Variants in IL16 observed in about 807,000 individuals in gnomAD.
IL16 encodes interleukin 16.
A neutral mutation model predicts 110.1 loss-of-function variants in IL16; 67 were observed. That is an observed-to-expected ratio of 0.61 (90% CI 0.50 to 0.75). The LOEUF (loss-of-function observed/expected upper bound fraction) is 0.75. IL16 is among the 30% of genes least tolerant of loss of function. IL16 has a pLI of 0.00. For missense variants in IL16, 1,545 were observed against 1,655.0 expected, an observed-to-expected ratio of 0.93 and a Z score of 1.15; for synonymous variants, 689 against 662.9, an observed-to-expected ratio of 1.04 and a Z score of -0.61.
At chr15:81,307,707 G>A (rs1488996451) in intron 18 of IL16, among the ~76,000 whole-genome samples, 2 of 152,208 alleles carry the variant, frequency 1.3e-5, no homozygotes, top group African/African-American at 4.8e-5. Flanking sequence ...GGATGAGACT[G>A]CCAGCTGCAG....
intron 2 of IL16, among the ~76,000 whole-genome samples, chr15:81,231,904 A>G (rs969868143): frequency 9.2e-5 from 14 of 152,122 alleles, no homozygotes; most frequent in African/African-American, 3.1e-4. Context: ...AGGATCACAT[A>G]TGTATAGGTC....
intron 2 of IL16, among the ~76,000 whole-genome samples, chr15:81,233,765 G>A (rs1897093079): frequency 6.6e-6 from 1 of 151,960 alleles, no homozygotes. Flanking sequence ...TAGTCAAATA[G>A]AGAAGATATT....
intron 1 of IL16, among the ~76,000 whole-genome samples, chr15:81,186,207 C>T (rs1043328640): frequency 1.3e-5 from 2 of 152,228 alleles, no homozygotes; most frequent in Non-Finnish European, 2.9e-5. Context: ...TTAGGATCAA[C>T]CTGCATGAGC....
At chr15:81,306,391 C>G in intron 17 of IL16, 29 bp from the exon 18 acceptor site, 2 of 1,612,110 alleles carry the variant, frequency 1.2e-6, no homozygotes, top group South Asian at 2.2e-5. Flanking sequence ...AGGAGAGGAT[C>G]CCTAACAGAG....
At chr15:81,248,630 C>T (rs1318013341) in intron 2 of IL16, among the ~76,000 whole-genome samples, 2 of 148,684 alleles carry the variant, frequency 1.3e-5, no homozygotes, top group Non-Finnish European at 3.0e-5. Flanking sequence ...GCTTTCTTAT[C>T]TTTTTATTGA....
chr15:81,306,275 C>T, intron 17 of IL16, 109 bp downstream of exon 17: 2 of 1,515,700 alleles, frequency 1.3e-6, no homozygotes, highest in Non-Finnish European at 1.8e-6. Context: ...GAATGTGTGG[C>T]TGCCTAGTAC....
intron 13 of IL16, among the ~76,000 whole-genome samples, chr15:81,298,106 GA>G (rs1900082092): frequency 6.6e-6 from 1 of 152,194 alleles, no homozygotes; most frequent in Non-Finnish European, 1.5e-5. Flanking sequence ...CTTGCCTGTG[GA>G]ACCTCTGCCT....
chr15:81,291,249 T>C (rs1899703970), intron 11 of IL16, among the ~76,000 whole-genome samples: 1 of 152,216 alleles, frequency 6.6e-6, no homozygotes, highest in Admixed American at 6.5e-5. Context: ...CAGAACACAA[T>C]TTATTTCAGC....
intron 16 of IL16, among the ~76,000 whole-genome samples, chr15:81,304,559 T>A (rs988827478): frequency 4.6e-5 from 7 of 152,214 alleles, no homozygotes; most frequent in African/African-American, 1.4e-4. Flanking sequence ...GGAACTAACG[T>A]AGAGCACCAT....
chr15:81,306,356 G>T (rs1212421746), intron 17 of IL16, 64 bp from the exon 18 acceptor site: 1 of 1,598,384 alleles, frequency 6.3e-7, no homozygotes, highest in Admixed American at 1.7e-5. Context: ...CTCACTTGAA[G>T]CCCAGGGCAT....
Position 81,225,516 on chromosome 15 carries a change from G to C in IL16, c.117G>C (p.Glu39Asp). The C allele has an allele frequency of 6.2e-7, 1 of 1,614,164 alleles. No individual in the cohort carries two copies. The highest frequency in any genetic ancestry group is 8.5e-7 in the Non-Finnish European group (1 of 1,180,008). Residue 39 changes from glutamate (E) to aspartate (D), a missense_variant, in exon 2 of 19, where the codon GAG becomes GAC. Coordinates refer to ENST00000683961, the MANE Select transcript of IL16 (RefSeq NM_172217.5). ...GTGATGATGGCTCTAGCCCTGATGAGAAATATCCTGATCCCTTTGAGATTT... is the reference window on the plus strand; with the variant it reads ...GTGATGATGGCTCTAGCCCTGATGACAAATATCCTGATCCCTTTGAGATTT... ...KTSDDGSSPD[E>D]KYPDPFEISL...
intron 1 of IL16, among the ~76,000 whole-genome samples, chr15:81,223,709 A>G (rs1465156850): frequency 1.3e-5 from 2 of 152,356 alleles, no homozygotes; most frequent in East Asian, 3.9e-4. Flanking sequence ...ACATTGTTGG[A>G]AATGTGTTAT....
intron 12 of IL16, among the ~76,000 whole-genome samples, chr15:81,294,741 C>T (rs111502979): frequency 2.2e-3 from 331 of 152,276 alleles, no homozygotes; most frequent in African/African-American, 7.6e-3. Context: ...ATCAGCACGA[C>T]ATAATTTTAT....
At position 81,275,116 on chromosome 15, in the gene IL16, C is replaced by T. The variant is rs535196464; in HGVS notation, c.790+1912C>T. Reference sequence around the variant, plus strand: ...CTGGTCTTAGTAAACTAGAGAAAGACATTGCCTTATATAGAGTAAGAGGCA... The same window carrying T: ...CTGGTCTTAGTAAACTAGAGAAAGATATTGCCTTATATAGAGTAAGAGGCA... On this transcript the variant is annotated intron_variant, in intron 6 of 18. Transcript: ENST00000683961. 2.6e-5 allele frequency among the ~76,000 whole-genome samples: 4 copies of T among 151,600 alleles called. No individual in the cohort carries two copies. The East Asian group carries it at 7.8e-4, about 30-fold the overall frequency.
Position 81,289,451 on chromosome 15 carries a change from A to G in IL16, c.1333-1002A>G, listed in dbSNP as rs1899606858. Among the ~76,000 whole-genome samples the G allele has an allele frequency of 1.3e-5, 2 of 152,064 alleles. 1 individual carries two copies. Among genetic ancestry groups the G allele is most frequent in the Admixed American group, 1.3e-4 (2 of 15,262 alleles). ...TGCCCAGCCTCTTTTCTTTTTGTTTATAGTAGCCATCCTAATGTCCTAATG... is the reference window on the plus strand; with the variant it reads ...TGCCCAGCCTCTTTTCTTTTTGTTTGTAGTAGCCATCCTAATGTCCTAATG... On this transcript the variant is annotated intron_variant, in intron 10 of 18. Coordinates refer to ENST00000683961, the MANE Select transcript of IL16 (RefSeq NM_172217.5).
In IL16 at chr15:81,191,205, C is replaced by A. The variant is rs535218640; in HGVS notation, c.40+8309C>A. Among the ~76,000 whole-genome samples the A allele has an allele frequency of 2.9e-4, 44 of 152,252 alleles. 1 individual carries two copies. Among genetic ancestry groups the A allele is most frequent in the African/African-American group, 9.9e-4 (41 of 41,552 alleles). On this transcript the variant is annotated intron_variant, in intron 1 of 18. Coordinates refer to the IL16 transcript ENST00000302987. ...ACCAAGTGATTCTTCTTGTCATAAC[C>A]GGAGGGTCATGAATGCTCTTGGAAC...
In IL16 at chr15:81,200,519, G is replaced by A. The variant is rs1291661255; in HGVS notation, c.-102+3367G>A. On this transcript the variant is annotated intron_variant, in intron 1 of 18. Transcript: ENST00000683961. The stretch of plus-strand genomic sequence containing the variant: ...CGAGTAGCTGGGACTACAGGCACAC[G>A]CCACCACACCTGGATAATTTTTTGT... Among the ~76,000 whole-genome samples the A allele has an allele frequency of 2.7e-5, 4 of 150,442 alleles. No individual in the cohort carries two copies. In the East Asian group the frequency reaches 5.9e-4, roughly 22 times the overall value.
chr15:81,272,325 C>T (rs1028310808), intron 5 of IL16, among the ~76,000 whole-genome samples: 2 of 152,224 alleles, frequency 1.3e-5, no homozygotes, highest in African/African-American at 4.8e-5. Flanking sequence ...GCAGGGGAAG[C>T]TGTGCCCACC....
At chr15:81,196,805 A>C, upstream of IL16, 3 of 1,103,164 alleles carry the variant, frequency 2.7e-6, no homozygotes, top group Non-Finnish European at 3.3e-6. Context: ...CCCTTTTTGG[A>C]TCAAGCCTTT....
Sources: gnomAD v4.1 joint callset for allele counts (sites outside exome capture counted in the v4.1 genomes callset) on GRCh38, gnomAD v4.1.1 for gene constraint, MANE v1.5 for transcripts, NCBI Gene and HGNC (gene_info 2026-07-23, HGNC 2026-07-21) for gene names.